Variants in CSGALNACT1 observed in about 807,000 individuals in gnomAD.
CSGALNACT1 encodes beta4GalNAcT-1.
A neutral mutation model predicts 51.0 loss-of-function variants in CSGALNACT1; 52 were observed. The observed-to-expected ratio is 1.02, with a 90% CI of 0.82 to 1.29. The LOEUF (loss-of-function observed/expected upper bound fraction) is 1.29. Among genes scored for constraint, CSGALNACT1 ranks in the 50% most tolerant of loss-of-function variants. The pLI is 0.00. For synonymous variants in CSGALNACT1, 341 were observed against 254.4 expected, an observed-to-expected ratio of 1.34 and a Z score of -3.24; for missense variants, 935 against 679.2, an observed-to-expected ratio of 1.38 and a Z score of -4.19.
chr8:19,424,146 T>G (rs1427881350), intron 6 of CSGALNACT1, among the ~76,000 whole-genome samples: 1 of 152,066 alleles, frequency 6.6e-6, no homozygotes, highest in Non-Finnish European at 1.5e-5. Context: ...ACTCACCAGG[T>G]CCTGATGAGA....
chr8:19,543,638 G>C (rs4332151), intron 3 of CSGALNACT1, among the ~76,000 whole-genome samples: 54,645 of 152,100 alleles, frequency 0.36, 12,216 homozygotes, highest in African/African-American at 0.64. Context: ...GTGGCTGCAT[G>C]TTTCCCAGCT....
chr8:19,454,557 G>C (rs1226532563), intron 5 of CSGALNACT1, among the ~76,000 whole-genome samples: 1 of 152,184 alleles, frequency 6.6e-6, no homozygotes, highest in East Asian at 1.9e-4. Context: ...TGTAATCCCA[G>C]CTACTCGGGA....
At chr8:19,484,682 C>T (rs1196990665) in intron 4 of CSGALNACT1, among the ~76,000 whole-genome samples, 2 of 152,148 alleles carry the variant, frequency 1.3e-5, no homozygotes, top group Non-Finnish European at 2.9e-5. Flanking sequence ...AGTGTGTCTC[C>T]CCAAAATTCA....
intron 4 of CSGALNACT1, among the ~76,000 whole-genome samples, chr8:19,489,395 CA>C (rs1211637990): frequency 6.6e-6 from 1 of 152,046 alleles, no homozygotes; most frequent in African/African-American, 2.4e-5. Flanking sequence ...AAAAATCAAA[CA>C]AAAATTTACT....
upstream of CSGALNACT1, chr8:19,683,323 A>G (rs369413203): frequency 2.6e-5 from 4 of 152,308 alleles, no homozygotes; most frequent in East Asian, 7.7e-4. Context: ...CCTGGGGGCC[A>G]GTTGTCATGG....
chr8:19,554,037 T>C (rs1168064137), intron 3 of CSGALNACT1, among the ~76,000 whole-genome samples: 5 of 151,962 alleles, frequency 3.3e-5, no homozygotes, highest in Non-Finnish European at 5.9e-5. Flanking sequence ...CAACATCCAG[T>C]TGGAGCCCCA....
At chr8:19,633,835 A>G (rs902984293) in intron 1 of CSGALNACT1, among the ~76,000 whole-genome samples, 3 of 152,184 alleles carry the variant, frequency 2.0e-5, no homozygotes, top group Non-Finnish European at 4.4e-5. Flanking sequence ...AGGGGTTCAA[A>G]CCCTTCTTTC....
intron 4 of CSGALNACT1, among the ~76,000 whole-genome samples, chr8:19,464,242 A>T (rs1458653156): frequency 6.6e-6 from 1 of 152,134 alleles, no homozygotes; most frequent in Admixed American, 6.5e-5. Context: ...GCTGGATAAC[A>T]AGAAGCATCT....
chr8:19,724,510 A>G (rs1168645783), intron 1 of CSGALNACT1, among the ~76,000 whole-genome samples: 1 of 152,204 alleles, frequency 6.6e-6, no homozygotes, highest in Non-Finnish European at 1.5e-5. Context: ...AGTCTGTGAT[A>G]CTGAACCCAC....
chr8:19,687,891 T>C (rs1290982462), intron 1 of CSGALNACT1, among the ~76,000 whole-genome samples: 3 of 152,224 alleles, frequency 2.0e-5, no homozygotes, highest in Non-Finnish European at 4.4e-5. Context: ...AGATACTGTA[T>C]AACCCTCAGA....
chr8:19,674,700 C>T (rs1018167887), intron 1 of CSGALNACT1, among the ~76,000 whole-genome samples: 7 of 152,006 alleles, frequency 4.6e-5, no homozygotes, highest in Non-Finnish European at 7.4e-5. Flanking sequence ...TCTAACTTAC[C>T]GTGAGGTGAA....
At chr8:19,548,388 CAT>C (rs796930132) in intron 3 of CSGALNACT1, among the ~76,000 whole-genome samples, 10 of 152,130 alleles carry the variant, frequency 6.6e-5, no homozygotes, top group South Asian at 2.1e-4. Context: ...ACTCATGATT[CAT>C]ATGAGACTAA....
chr8:19,747,319 T>C (rs1437537092), intron 1 of CSGALNACT1, among the ~76,000 whole-genome samples: 1 of 152,060 alleles, frequency 6.6e-6, no homozygotes, highest in Non-Finnish European at 1.5e-5. Context: ...GTGAAGATAC[T>C]GGTTCTACAT....
intron 3 of CSGALNACT1, among the ~76,000 whole-genome samples, chr8:19,535,203 A>G (rs558463750): frequency 6.3e-4 from 96 of 152,350 alleles, no homozygotes; most frequent in Admixed American, 1.9e-3. Flanking sequence ...ATTTGAAAAA[A>G]AAATAGAAAA....
At chr8:19,476,228 C>A (rs1229858372) in intron 4 of CSGALNACT1, among the ~76,000 whole-genome samples, 1 of 151,998 alleles carries the variant, frequency 6.6e-6, no homozygotes, top group Non-Finnish European at 1.5e-5. Context: ...AGTGTACTCC[C>A]CCAGTTTTTT....
intron 1 of CSGALNACT1, among the ~76,000 whole-genome samples, chr8:19,624,309 G>T (rs915514820): frequency 2.6e-5 from 4 of 152,038 alleles, no homozygotes; most frequent in African/African-American, 7.2e-5. Flanking sequence ...AAATATTCTG[G>T]ATTTAAAAAA....
rs1329107400 is a variant in CSGALNACT1, at chr8:19,648,079, A to G, written c.-544+34394T>C. Among the ~76,000 whole-genome samples the G allele has an allele frequency of 2.0e-5, 3 of 152,220 alleles. No individual in the cohort carries two copies. In the South Asian group the frequency reaches 6.2e-4, roughly 32 times the overall value. ...TTTGTTTTGTTTCAATATCTCAAGA[A>G]TACTTTGGGAGTTAGTGAATATAAT... On this transcript the variant is annotated intron_variant, in intron 1 of 9. Transcript: ENST00000332246.
chr8:19,523,238 C>A (rs1381816190), intron 3 of CSGALNACT1, among the ~76,000 whole-genome samples: 1 of 152,232 alleles, frequency 6.6e-6, no homozygotes, highest in East Asian at 1.9e-4. Flanking sequence ...GTAAGATGTT[C>A]CTCAACAGCA....
rs545218731 is a variant in CSGALNACT1, at chr8:19,494,478, G to A, written c.634+10723C>T. Among the ~76,000 whole-genome samples the A allele has an allele frequency of 1.1e-4, 16 of 152,238 alleles. No individual in the cohort carries two copies. The South Asian group carries it at 3.3e-3, about 32-fold the overall frequency. ...GTGCTGTCCTTACCTGTGTACATGG[G>A]TGCCCCTTCATTTGGGCTCTGGGGC... On this transcript the variant is annotated intron_variant, in intron 4 of 9. Coordinates refer to ENST00000454498, the Ensembl canonical transcript of CSGALNACT1.
Sources: gnomAD v4.1 joint callset for allele counts (sites outside exome capture counted in the v4.1 genomes callset) on GRCh38, gnomAD v4.1.1 for gene constraint, MANE v1.5 for transcripts, NCBI Gene and HGNC (gene_info 2026-07-23, HGNC 2026-07-21) for gene names.